PHF2: variants seen among roughly 807,000 people sequenced by gnomAD.
PHF2 encodes lysine-specific demethylase PHF2.
Under a neutral mutation model 120.5 loss-of-function variants are expected in PHF2, and 27 were observed. That is an observed-to-expected ratio of 0.22 (90% CI 0.17 to 0.31). The LOEUF is 0.31. Among genes scored for constraint, PHF2 ranks in the 10% least tolerant of loss-of-function variants. PHF2 has a pLI of 1.00. For synonymous variants in PHF2, 568 were observed against 592.5 expected (o/e 0.96, Z 0.60); for missense variants, 1,024 against 1,434.8 (o/e 0.71, Z 4.63).
chr9:93,635,051 G>A (rs865789771), intron 2 of PHF2, among the ~76,000 whole-genome samples: 3 of 152,350 alleles, frequency 2.0e-5, no homozygotes, highest in African/African-American at 7.2e-5. Flanking sequence ...GGCCAAAACA[G>A]ATTTGAACCC....
At chr9:93,651,995 AG>A (rs1291476079) in intron 5 of PHF2, among the ~76,000 whole-genome samples, 1 of 152,148 alleles carries the variant, frequency 6.6e-6, no homozygotes, top group Non-Finnish European at 1.5e-5. Flanking sequence ...GGGGGCAATG[AG>A]GACTCCTGGA....
chr9:93,578,302 G>A (rs749200831), intron 1 of PHF2, among the ~76,000 whole-genome samples: 12 of 152,164 alleles, frequency 7.9e-5, no homozygotes, highest in Non-Finnish European at 1.8e-4. Context: ...GCCCCTTAGA[G>A]CAAGGGAGAC....
At chr9:93,613,631 C>T (rs1825674826) in intron 1 of PHF2, among the ~76,000 whole-genome samples, 2 of 149,630 alleles carry the variant, frequency 1.3e-5, no homozygotes, top group Non-Finnish European at 3.0e-5. Context: ...GCAATCATAA[C>T]TCACTGCAGC....
intron 1 of PHF2, among the ~76,000 whole-genome samples, chr9:93,602,616 C>G (rs1170766766): frequency 6.6e-6 from 1 of 151,956 alleles, no homozygotes; most frequent in Non-Finnish European, 1.5e-5. Flanking sequence ...TGTGCAGTTC[C>G]CTGTTTTGAA....
chr9:93,614,761 C>CA (rs34553705), intron 1 of PHF2, among the ~76,000 whole-genome samples: 56,882 of 151,418 alleles, frequency 0.38, 10,968 homozygotes, highest in Non-Finnish European at 0.4. Context: ...ATTAGCCCAG[C>CA]AAAAAAAAGT....
At chr9:93,675,981 C>T (rs1564405509) in intron 20 of PHF2, among the ~76,000 whole-genome samples, 192 bp downstream of exon 20, 1 of 152,184 alleles carries the variant, frequency 6.6e-6, no homozygotes, top group African/African-American at 2.4e-5. Context: ...GTGTGGGGTC[C>T]GGGGGAGCTA....
chr9:93,663,801 T>C (rs7028306), intron 14 of PHF2, among the ~76,000 whole-genome samples, 166 bp downstream of exon 14: 93,261 of 151,858 alleles, frequency 0.61, 29,079 homozygotes, highest in Non-Finnish European at 0.66. Context: ...CACACAACCA[T>C]ACACACTGCA....
intron 1 of PHF2, among the ~76,000 whole-genome samples, chr9:93,583,812 CT>C (rs968112633): frequency 2.9e-4 from 41 of 143,670 alleles, no homozygotes; most frequent in African/African-American, 9.6e-4. Flanking sequence ...ATACTGTATC[CT>C]TTTTTTTCTT....
intron 1 of PHF2, among the ~76,000 whole-genome samples, chr9:93,583,319 G>A (rs1426954022): frequency 6.6e-6 from 1 of 152,086 alleles, no homozygotes; most frequent in Non-Finnish European, 1.5e-5. Context: ...TCAGTGTATG[G>A]GCATCTGGGT....
chr9:93,579,832 C>T (rs377545215), intron 1 of PHF2, among the ~76,000 whole-genome samples: 4 of 152,302 alleles, frequency 2.6e-5, no homozygotes, highest in East Asian at 1.9e-4. Context: ...TGGCGGCAGC[C>T]GAGAACTTGT....
chr9:93,596,974 A>C (rs1587669825), intron 1 of PHF2, among the ~76,000 whole-genome samples: 1 of 126,228 alleles, frequency 7.9e-6, no homozygotes, highest in Admixed American at 9.9e-5. Context: ...GCTGTCTCCC[A>C]GGCCGGAGTG....
chr9:93,667,025 G>A lies in PHF2; in HGVS notation c.2188-55G>A, dbSNP rs1043850278. The A allele has an allele frequency of 2.7e-6, 4 of 1,504,706 alleles. No individual in the cohort carries two copies. In the Admixed American group the frequency reaches 7.1e-5, roughly 27 times the overall value. The allele number at this position is 1,504,706 out of a possible 1,614,324, so 93.2% of individuals were successfully genotyped here. A position where few individuals can be genotyped will look rare whatever the true frequency, so the allele number is the denominator to read the frequency against. On this transcript the variant is annotated intron_variant, in intron 16 of 21. Transcript: ENST00000359246. ...AAAGTATCCTCCTCCCAACTCCCAG[G>A]CCACTTTGGTGGCCAGACCCTCCCC... is the stretch of plus-strand genomic sequence containing the variant.
At position 93,653,243 on chromosome 9, in the gene PHF2, C is replaced by T. The variant is rs1222717065; in HGVS notation, c.667C>T (p.Pro223Ser). The stretch of plus-strand genomic sequence containing the variant: ...ACTGTCATGGGTAGAAAACTACTGG[C>T]CAGATGATGCATTGCTGGCCAAGCC... ...KKLSWVENYW[P>S]DDALLAKPKV... Residue 223 changes from proline to serine, a missense_variant, in exon 6 of 22, where the codon CCA becomes TCA. Physicochemically the swap from Pro to Ser is moderately conservative, Grantham distance 74. This residue lies in a region of PHF2 where 347 missense variants were observed against 577.4 expected (regional missense o/e 0.60). Transcript: ENST00000359246. 1 of 1,614,192 alleles carries T rather than the reference C, an allele frequency of 6.2e-7. No individual in the cohort carries two copies. The highest frequency in any genetic ancestry group is 8.5e-7 in the Non-Finnish European group (1 of 1,180,028).
At chr9:93,606,583 C>T (rs951531055) in intron 1 of PHF2, among the ~76,000 whole-genome samples, 5 of 152,190 alleles carry the variant, frequency 3.3e-5, no homozygotes, top group South Asian at 2.1e-4. Context: ...GAGTTCTTTG[C>T]ATACTTTGGA....
intron 3 of PHF2, among the ~76,000 whole-genome samples, chr9:93,645,258 C>T (rs1036157618): frequency 6.6e-6 from 1 of 152,218 alleles, no homozygotes; most frequent in Non-Finnish European, 1.5e-5. Flanking sequence ...GGAGGAGCTG[C>T]CCCCGTCCTC....
intron 1 of PHF2, among the ~76,000 whole-genome samples, chr9:93,593,911 G>A (rs1484278905): frequency 6.6e-6 from 1 of 152,208 alleles, no homozygotes; most frequent in African/African-American, 2.4e-5. Flanking sequence ...GTACTTTTCT[G>A]TACATTCCAA....
At chr9:93,599,201 C>T (rs371877168) in intron 1 of PHF2, among the ~76,000 whole-genome samples, 2 of 152,128 alleles carry the variant, frequency 1.3e-5, no homozygotes, top group African/African-American at 2.4e-5. Flanking sequence ...GGGTGGGTTC[C>T]GAAGAAGGCC....
chr9:93,631,045 G>A (rs1825993205), intron 2 of PHF2, among the ~76,000 whole-genome samples: 1 of 152,180 alleles, frequency 6.6e-6, no homozygotes, highest in Non-Finnish European at 1.5e-5. Context: ...GCAAGCTGAA[G>A]CACCAGACCC....
chr9:93,608,559 G>T (rs1248243466), intron 1 of PHF2, among the ~76,000 whole-genome samples: 4 of 152,050 alleles, frequency 2.6e-5, no homozygotes, highest in African/African-American at 9.7e-5. Context: ...TCACCAGTGG[G>T]TTCTGTCTGA....
Sources: gnomAD v4.1 joint callset for allele counts (sites outside exome capture counted in the v4.1 genomes callset) on GRCh38, gnomAD v4.1.1 for gene constraint, gnomAD v4.1.1 regional missense constraint, MANE v1.5 for transcripts, NCBI Gene and HGNC (gene_info 2026-07-23, HGNC 2026-07-21) for gene names.